Variants in NUP50 observed in about 807,000 individuals in gnomAD.
NUP50 encodes nuclear pore complex protein Nup50.
A neutral mutation model predicts 36.8 loss-of-function variants in NUP50; 14 were observed. That is an observed-to-expected ratio of 0.38 (90% CI 0.25 to 0.59). The LOEUF (loss-of-function observed/expected upper bound fraction) is 0.59, where lower values mean the gene tolerates loss of function less well. NUP50 is among the 20% of genes least tolerant of loss of function. The pLI, the probability that NUP50 is intolerant of heterozygous loss-of-function variation, is 0.63. For missense variants in NUP50, 455 were observed against 564.6 expected, an observed-to-expected ratio of 0.81 and a Z score of 1.97; for synonymous variants, 195 against 210.8, an observed-to-expected ratio of 0.93 and a Z score of 0.65.
rs1053925921 is a variant in NUP50, at chr22:45,185,774, T to A, written c.*1119T>A. On this transcript the variant is annotated 3_prime_UTR_variant, in exon 8 of 8. Transcript: ENST00000347635. Reference sequence around the variant, plus strand: ...TTATTCACACGAATATCCCTGTCACTTCTCCAGAGGTGTCAGGTAACTAAC... The same window carrying A: ...TTATTCACACGAATATCCCTGTCACATCTCCAGAGGTGTCAGGTAACTAAC... The A allele has an allele frequency of 6.6e-6, 1 of 152,250 alleles. No homozygotes were observed. Among genetic ancestry groups the A allele is most frequent in the African/African-American group, 2.4e-5 (1 of 41,464 alleles). 9.4% of individuals were successfully genotyped at this position (152,250 alleles called of 1,614,324 possible).
In NUP50 at chr22:45,187,165, C is replaced by A. The variant is rs1437736116; in HGVS notation, c.*2510C>A. The A allele has an allele frequency of 2.9e-5, 3 of 105,092 alleles. No homozygotes were observed. The highest frequency in any genetic ancestry group is 5.7e-5 in the Non-Finnish European group (3 of 52,182). 6.5% of individuals were successfully genotyped at this position (105,092 alleles called of 1,614,324 possible). On this transcript the variant is annotated 3_prime_UTR_variant, in exon 8 of 8. Transcript: ENST00000347635. The stretch of plus-strand genomic sequence containing the variant: ...GGACAAATACTAAATATCCCAGTGG[C>A]CTTTTTTTTTTTTTTTTTAAAACCT...
chr22:45,165,165 C>T (rs1233470883), intron 1 of NUP50, among the ~76,000 whole-genome samples: 1 of 152,202 alleles, frequency 6.6e-6, no homozygotes, highest in Non-Finnish European at 1.5e-5. Flanking sequence ...TTCAGTCTCC[C>T]ACCACGTTGC....
At chr22:45,180,711 C>T (rs1415568976) in intron 5 of NUP50, among the ~76,000 whole-genome samples, 1 of 152,102 alleles carries the variant, frequency 6.6e-6, no homozygotes, top group Non-Finnish European at 1.5e-5. Flanking sequence ...CCTAGGTCTC[C>T]CGTGTTTGGG....
rs1449383734 is a variant in NUP50, at chr22:45,187,667, T to TA, written c.*3012_*3013insA. On this transcript the variant is annotated 3_prime_UTR_variant, in exon 8 of 8. Transcript: ENST00000347635. ...AGTCCTCTCATTCTGGAAGTGGGAA[T>TA]TTGAGTAGATACTGATTTGTCCCGT... 5.9e-5 allele frequency: 9 copies of TA among 152,212 alleles called. No individual in the cohort carries two copies. The highest frequency in any genetic ancestry group is 2.2e-4 in the African/African-American group (9 of 41,444). The allele number at this position is 152,212 out of a possible 1,614,324, so 9.4% of individuals were successfully genotyped here.
chr22:45,171,537 G>T (rs2074194277), intron 2 of NUP50, 63 bp from the exon 3 acceptor site: 2 of 1,413,748 alleles, frequency 1.4e-6, no homozygotes, highest in Non-Finnish European at 2.0e-6. Context: ...TGTTGTTGTT[G>T]TTGAGGATTT....
chr22:45,178,185 A>G, intron 4 of NUP50, 53 bp from the exon 5 acceptor site: 3 of 1,517,780 alleles, frequency 2.0e-6, no homozygotes, highest in East Asian at 2.3e-5. Context: ...AAAAATCTAG[A>G]TGATTTAATC....
chr22:45,179,051 CTG>C, intron 5 of NUP50, 151 bp downstream of exon 5: 1 of 669,078 alleles, frequency 1.5e-6, no homozygotes, highest in Non-Finnish European at 2.4e-6. Flanking sequence ...ATCAGCTTCT[CTG>C]AGTTTCAGAT....
chr22:45,174,771 G>A (rs2074251352), intron 3 of NUP50, among the ~76,000 whole-genome samples: 1 of 152,114 alleles, frequency 6.6e-6, no homozygotes, highest in South Asian at 2.1e-4. Context: ...TCTAAGCTCT[G>A]TTTATTATGT....
In NUP50 at chr22:45,185,655, T is replaced by C. The variant is rs189148506; in HGVS notation, c.*1000T>C. On this transcript the variant is annotated 3_prime_UTR_variant, in exon 8 of 8. Transcript: ENST00000347635. ...CGTGTGTAAACTTTGCCTTTAACTT[T>C]AGACCGCAGTATATTATAATACATT... The C allele has an allele frequency of 1.3e-4, 20 of 152,348 alleles. No individual in the cohort carries two copies. In the East Asian group the frequency reaches 3.9e-3, roughly 29 times the overall value. The allele number at this position is 152,348 out of a possible 1,614,324, so 9.4% of individuals were successfully genotyped here.
chr22:45,173,692 A>G (rs1601775761), intron 3 of NUP50, among the ~76,000 whole-genome samples: 2 of 152,304 alleles, frequency 1.3e-5, no homozygotes, highest in African/African-American at 4.8e-5. Context: ...AACAAAGCTC[A>G]CTGCAGAAGC....
rs2074444380 is a variant in NUP50, at chr22:45,184,810, T to G, written c.*155T>G. ...AGATTAATGTGGCCAATAAAACCTT[T>G]AAATGTTAAGTGTCAAGAAACTGCA... is the stretch of plus-strand genomic sequence containing the variant. On this transcript the variant is annotated 3_prime_UTR_variant, in exon 8 of 8. Coordinates refer to ENST00000347635, the MANE Select transcript of NUP50 (RefSeq NM_007172.4). 4.7e-6 allele frequency: 3 copies of G among 637,774 alleles called. No individual in the cohort carries two copies. The highest frequency in any genetic ancestry group is 3.7e-5 in the African/African-American group (2 of 54,288). 39.5% of individuals were successfully genotyped at this position (637,774 alleles called of 1,614,324 possible).
At chr22:45,171,474 G>C in intron 2 of NUP50, 126 bp from the exon 3 acceptor site, 1 of 895,112 alleles carries the variant, frequency 1.1e-6, no homozygotes, top group East Asian at 2.6e-5. Context: ...AAGCCATTGT[G>C]CCTGGCCAAA....
Position 45,187,475 on chromosome 22 carries a change from T to C in NUP50, c.*2820T>C, listed in dbSNP as rs2083461871. On this transcript the variant is annotated 3_prime_UTR_variant, in exon 8 of 8. Coordinates refer to ENST00000347635, the MANE Select transcript of NUP50 (RefSeq NM_007172.4). ...TGGTGTGGAGGGGAAGAAAAACTAATATTCTACCTTACTAGTAGAGTTCAA... is the reference window on the plus strand; with the variant it reads ...TGGTGTGGAGGGGAAGAAAAACTAACATTCTACCTTACTAGTAGAGTTCAA... The C allele has an allele frequency of 6.6e-6, 1 of 151,746 alleles. No homozygotes were observed. Among genetic ancestry groups the C allele is most frequent in the South Asian group, 2.1e-4 (1 of 4,822 alleles). The allele number at this position is 151,746 out of a possible 1,614,324, so 9.4% of individuals were successfully genotyped here. A position where few individuals can be genotyped will look rare whatever the true frequency, so the allele number is the denominator to read the frequency against.
At position 45,175,932 on chromosome 22, in the gene NUP50, G is replaced by T; in HGVS notation, c.192G>T (p.Leu64Phe). The change falls in exon 4 of 8, where the codon TTG (leucine) becomes TTT (phenylalanine). Residue 64 changes from leucine to phenylalanine, a missense_variant. Physicochemically the swap from Leu to Phe is conservative, Grantham distance 22. Coordinates refer to ENST00000347635, the MANE Select transcript of NUP50 (RefSeq NM_007172.4). ...GAGCCTTTAAAGGTTTTAAAGGTTT[G>T]GTGGTACCTTCTGGAGGAGGACGCT... is the stretch of plus-strand genomic sequence containing the variant. ...TGGAFKGFKG[L>F]VVPSGGGRFS... 1 of 1,614,112 alleles carries T rather than the reference G, an allele frequency of 6.2e-7. No individual in the cohort carries two copies. Among genetic ancestry groups the T allele is most frequent in the Non-Finnish European group, 8.5e-7 (1 of 1,180,026 alleles).
intron 5 of NUP50, among the ~76,000 whole-genome samples, chr22:45,179,598 AG>A (rs1257182566): frequency 6.6e-6 from 1 of 152,192 alleles, no homozygotes; most frequent in African/African-American, 2.4e-5. Flanking sequence ...AGCAGTTGAA[AG>A]TGAGGCCAGG....
At chr22:45,168,898 ATTTT>A (rs34675932) in intron 2 of NUP50, among the ~76,000 whole-genome samples, 11 of 132,002 alleles carry the variant, frequency 8.3e-5, no homozygotes, top group Admixed American at 8.0e-5. Context: ...TATAAAAAAA[ATTTT>A]TTTTTTTTTT....
chr22:45,177,876 C>T, intron 4 of NUP50: 1 of 215,806 alleles, frequency 4.6e-6, no homozygotes, highest in South Asian at 7.4e-5. Flanking sequence ...CGCTTGTAAT[C>T]CCAGCACTTT....
At chr22:45,176,160 C>G in intron 4 of NUP50, 80 bp downstream of exon 4, 2 of 1,448,512 alleles carry the variant, frequency 1.4e-6, no homozygotes, top group South Asian at 2.7e-5. Context: ...TTTCTTATAG[C>G]TACCCTGTGT....
intron 5 of NUP50, among the ~76,000 whole-genome samples, chr22:45,180,943 A>G (rs1019820906): frequency 2.0e-5 from 3 of 151,962 alleles, no homozygotes; most frequent in Non-Finnish European, 2.9e-5. Context: ...CTCATCCGAG[A>G]TGGAATTTTC....
Sources: allele counts gnomAD v4.1 joint callset (sites outside exome capture counted in the v4.1 genomes callset), GRCh38; gene constraint gnomAD v4.1.1; transcripts MANE v1.5; gene names NCBI Gene and HGNC (gene_info 2026-07-23, HGNC 2026-07-21).